ALCAM: variants seen among roughly 807,000 people sequenced by gnomAD.
The protein encoded by ALCAM is activated leukocyte cell adhesion molecule, also known as CD166 antigen.
ALCAM carries 30 observed loss-of-function variants against 70.9 expected under a neutral mutation model. The observed-to-expected ratio is 0.42, with a 90% CI of 0.32 to 0.57. The LOEUF (loss-of-function observed/expected upper bound fraction) is 0.57, where lower values mean the gene tolerates loss of function less well. Among genes scored for constraint, ALCAM ranks in the 20% least tolerant of loss-of-function variants. The pLI, the probability that ALCAM is intolerant of heterozygous loss-of-function variation, is 0.11. For synonymous variants in ALCAM, 249 were observed against 242.5 expected, an observed-to-expected ratio of 1.03 and a Z score of -0.25; for missense variants, 591 against 695.1, an observed-to-expected ratio of 0.85 and a Z score of 1.68.
At chr3:105,457,149 T>C (rs1937544255) in intron 1 of ALCAM, among the ~76,000 whole-genome samples, 2 of 152,214 alleles carry the variant, frequency 1.3e-5, no homozygotes, top group Admixed American at 1.3e-4. Flanking sequence ...TTAAAATACA[T>C]CTTAAAAGAT....
At chr3:105,570,499 A>G (rs548857871) in intron 14 of ALCAM, among the ~76,000 whole-genome samples, 1 of 152,280 alleles carries the variant, frequency 6.6e-6, no homozygotes, top group East Asian at 1.9e-4. Flanking sequence ...CATCGATAGA[A>G]GACACACAGA....
At chr3:105,503,954 T>C (rs187165478) in intron 1 of ALCAM, among the ~76,000 whole-genome samples, 2 of 152,326 alleles carry the variant, frequency 1.3e-5, no homozygotes, top group East Asian at 3.9e-4. Context: ...CCTCCTCTGC[T>C]CCTGCAACAT....
chr3:105,542,568 G>A (rs1416673447), intron 8 of ALCAM, among the ~76,000 whole-genome samples: 1 of 151,720 alleles, frequency 6.6e-6, no homozygotes, highest in Non-Finnish European at 1.5e-5. Flanking sequence ...TTCCTAATAA[G>A]TCCTTTGCAC....
At chr3:105,426,212 T>A (rs1449911368) in intron 1 of ALCAM, among the ~76,000 whole-genome samples, 1 of 151,892 alleles carries the variant, frequency 6.6e-6, no homozygotes, top group East Asian at 1.9e-4. Flanking sequence ...CTGGTAAAAT[T>A]AGAAGGTTAA....
chr3:105,386,680 G>A lies in ALCAM; in HGVS notation c.73+19199G>A, dbSNP rs148684381. On this transcript the variant is annotated intron_variant, in intron 1 of 15. Coordinates refer to ENST00000306107, the MANE Select transcript of ALCAM (RefSeq NM_001627.4). Reference sequence around the variant, plus strand: ...ACCATAAATATATATATATATATCTGTAATTGTTTCCTTAGTGAATTGAAG... The same window carrying A: ...ACCATAAATATATATATATATATCTATAATTGTTTCCTTAGTGAATTGAAG... Among the ~76,000 whole-genome samples, 413 of 149,948 alleles carry A rather than the reference G, an allele frequency of 2.8e-3. 3 individuals are homozygous for A. Among genetic ancestry groups the A allele is most frequent in the African/African-American group, 9.3e-3 (379 of 40,800 alleles).
intron 7 of ALCAM, 145 bp from the exon 8 acceptor site, chr3:105,541,488 C>T (rs1940114154): frequency 8.5e-6 from 7 of 823,030 alleles, no homozygotes; most frequent in African/African-American, 3.5e-5. Flanking sequence ...ATATTGGTAA[C>T]ACAAACTGTA....
intron 1 of ALCAM, among the ~76,000 whole-genome samples, chr3:105,423,147 G>A (rs1936710004): frequency 6.6e-6 from 1 of 151,288 alleles, no homozygotes; most frequent in Admixed American, 6.6e-5. Flanking sequence ...TTTAGAGTAA[G>A]AGTTTTATTG....
At chr3:105,373,332 A>G (rs962478007) in intron 1 of ALCAM, among the ~76,000 whole-genome samples, 6 of 152,156 alleles carry the variant, frequency 3.9e-5, no homozygotes, top group Non-Finnish European at 7.4e-5. Context: ...TTAACTTATT[A>G]TGATGATTTC....
intron 1 of ALCAM, among the ~76,000 whole-genome samples, chr3:105,442,691 G>A (rs1011748816): frequency 6.6e-6 from 1 of 151,898 alleles, no homozygotes; most frequent in African/African-American, 2.4e-5. Flanking sequence ...TGAGGCAGGA[G>A]AATGATGTGA....
At chr3:105,505,737 C>T (rs1939055669) in intron 1 of ALCAM, among the ~76,000 whole-genome samples, 1 of 152,132 alleles carries the variant, frequency 6.6e-6, no homozygotes, top group Non-Finnish European at 1.5e-5. Context: ...TAATAAATAA[C>T]TTATTAAATT....
intron 1 of ALCAM, among the ~76,000 whole-genome samples, chr3:105,513,919 T>A (rs1343657283): frequency 6.6e-6 from 1 of 151,988 alleles, no homozygotes; most frequent in Non-Finnish European, 1.5e-5. Context: ...TAGAAATTGT[T>A]ATAATAAAAA....
At chr3:105,386,002 C>A (rs971520389) in intron 1 of ALCAM, among the ~76,000 whole-genome samples, 3 of 151,522 alleles carry the variant, frequency 2.0e-5, no homozygotes, top group Non-Finnish European at 4.4e-5. Context: ...CAAAACTACT[C>A]CCTCATGGGT....
intron 1 of ALCAM, among the ~76,000 whole-genome samples, chr3:105,430,094 A>G (rs1207960883): frequency 6.6e-6 from 1 of 152,006 alleles, no homozygotes; most frequent in African/African-American, 2.4e-5. Context: ...TGGACACTAT[A>G]TTTTTAAATA....
intron 1 of ALCAM, among the ~76,000 whole-genome samples, chr3:105,493,951 T>A (rs1181424650): frequency 6.6e-6 from 1 of 152,200 alleles, no homozygotes; most frequent in African/African-American, 2.4e-5. Flanking sequence ...TTTAAGTAGC[T>A]TTTCAAGCTC....
chr3:105,557,084 T>C (rs7645474), intron 14 of ALCAM, among the ~76,000 whole-genome samples: 12,614 of 152,134 alleles, frequency 0.083, 664 homozygotes, highest in Non-Finnish European at 0.12. Flanking sequence ...CAGGCCTTTT[T>C]TGGAATTAAA....
intron 1 of ALCAM, among the ~76,000 whole-genome samples, chr3:105,510,826 G>A (rs1285861067): frequency 5.9e-5 from 9 of 151,914 alleles, no homozygotes; most frequent in Admixed American, 5.3e-4. Context: ...TCTTCTGGGC[G>A]GTGCATTTAA....
intron 1 of ALCAM, among the ~76,000 whole-genome samples, chr3:105,423,736 A>G (rs1046482783): frequency 1.3e-5 from 2 of 151,632 alleles, no homozygotes; most frequent in African/African-American, 4.8e-5. Flanking sequence ...TCTATAACAT[A>G]AGGAACTCAG....
At chr3:105,569,070 T>A (rs1037924772) in intron 14 of ALCAM, among the ~76,000 whole-genome samples, 2 of 125,802 alleles carry the variant, frequency 1.6e-5, no homozygotes, top group Non-Finnish European at 1.9e-5. Context: ...TACATTGTTG[T>A]TTTTTTTTTA....
intron 1 of ALCAM, among the ~76,000 whole-genome samples, chr3:105,449,795 T>C (rs1308912315): frequency 6.6e-6 from 1 of 152,188 alleles, no homozygotes; most frequent in Non-Finnish European, 1.5e-5. Flanking sequence ...TCAGAAAATG[T>C]TAATGAGTTG....
Sources: gnomAD v4.1 joint callset for allele counts (sites outside exome capture counted in the v4.1 genomes callset) on GRCh38, gnomAD v4.1.1 for gene constraint, MANE v1.5 for transcripts, NCBI Gene and HGNC (gene_info 2026-07-23, HGNC 2026-07-21) for gene names.